PLCL1: variants seen among roughly 807,000 people sequenced by gnomAD.
PLCL1 encodes the protein inactive phospholipase C-like protein 1.
A neutral mutation model predicts 84.4 loss-of-function variants in PLCL1; 41 were observed. That is an observed-to-expected ratio of 0.49 (90% confidence interval 0.38 to 0.63). PLCL1 has a LOEUF of 0.63. Among genes scored for constraint, PLCL1 ranks in the 30% least tolerant of loss-of-function variants. The pLI, the probability that PLCL1 is intolerant of heterozygous loss-of-function variation, is 0.00. For synonymous variants in PLCL1, 490 were observed against 488.3 expected (o/e 1.00, Z -0.05); for missense variants, 1,206 against 1,367.8 (o/e 0.88, Z 1.87).
chr2:198,057,272 C>T (rs530843053), intron 1 of PLCL1, among the ~76,000 whole-genome samples: 3 of 152,140 alleles, frequency 2.0e-5, no homozygotes, highest in South Asian at 4.2e-4. Context: ...GTCTGGGGAA[C>T]GAGGCATCCT....
At chr2:197,915,019 A>T (rs1688564035) in intron 1 of PLCL1, among the ~76,000 whole-genome samples, 1 of 152,158 alleles carries the variant, frequency 6.6e-6, no homozygotes, top group Non-Finnish European at 1.5e-5. Context: ...CATTTATTTA[A>T]AACGTTGTCA....
At chr2:198,124,400 A>G (rs1288788222) in intron 5 of PLCL1, among the ~76,000 whole-genome samples, 1 of 152,142 alleles carries the variant, frequency 6.6e-6, no homozygotes, top group African/African-American at 2.4e-5. Flanking sequence ...TTTTCTCCAG[A>G]AAAGTCTTGT....
intron 1 of PLCL1, among the ~76,000 whole-genome samples, chr2:198,072,995 C>A (rs533015008): frequency 6.6e-6 from 1 of 152,120 alleles, no homozygotes; most frequent in South Asian, 2.1e-4. Context: ...ATGAATCAGG[C>A]TAGGAATTAT....
chr2:198,007,205 G>A (rs1690747482), intron 1 of PLCL1, among the ~76,000 whole-genome samples: 1 of 152,118 alleles, frequency 6.6e-6, no homozygotes. Context: ...ACAATGATCT[G>A]CTTTTCCAGG....
chr2:197,931,118 A>G (rs1176243447), intron 1 of PLCL1, among the ~76,000 whole-genome samples: 6 of 152,164 alleles, frequency 3.9e-5, no homozygotes, highest in Admixed American at 3.9e-4. Context: ...CAGCTGGAAT[A>G]AAAATAAGAG....
chr2:198,127,677 A>T (rs1020207557), intron 5 of PLCL1, among the ~76,000 whole-genome samples: 1 of 152,168 alleles, frequency 6.6e-6, no homozygotes, highest in African/African-American at 2.4e-5. Context: ...TAAGTTTTCA[A>T]AATCTATTTG....
chr2:198,061,375 T>A (rs1692195304), intron 1 of PLCL1, among the ~76,000 whole-genome samples: 1 of 152,164 alleles, frequency 6.6e-6, no homozygotes, highest in Admixed American at 6.5e-5. Context: ...GTGTGATTTG[T>A]ACTACCTACA....
At chr2:198,109,919 G>T (rs915452829) in intron 5 of PLCL1, among the ~76,000 whole-genome samples, 2 of 151,176 alleles carry the variant, frequency 1.3e-5, no homozygotes, top group Admixed American at 6.6e-5. Flanking sequence ...ATCAAGTAGA[G>T]ATATATAAAA....
chr2:197,942,408 C>T (rs926973460), intron 1 of PLCL1, among the ~76,000 whole-genome samples: 13 of 152,186 alleles, frequency 8.5e-5, no homozygotes, highest in African/African-American at 2.9e-4. Context: ...CACCAAACTT[C>T]CAGAAAGAAT....
At chr2:198,014,496 G>GTAAT (rs1283380299) in intron 1 of PLCL1, among the ~76,000 whole-genome samples, 6 of 152,046 alleles carry the variant, frequency 3.9e-5, no homozygotes, top group African/African-American at 1.4e-4. Context: ...GTATAAAGAA[G>GTAAT]TAATTAGTCC....
chr2:197,853,347 T>C (rs375254891), intron 1 of PLCL1, among the ~76,000 whole-genome samples: 2 of 152,232 alleles, frequency 1.3e-5, no homozygotes, highest in East Asian at 3.8e-4. Context: ...AAATATCTGT[T>C]TGAGTTCCTG....
At chr2:197,847,336 C>T (rs544264344) in intron 1 of PLCL1, among the ~76,000 whole-genome samples, 122 of 152,234 alleles carry the variant, frequency 8.0e-4, no homozygotes, top group Non-Finnish European at 1.4e-3. Flanking sequence ...TGGTCAGCCC[C>T]AGATCCTCAG....
At chr2:198,099,499 A>G (rs1427404710) in intron 3 of PLCL1, among the ~76,000 whole-genome samples, 1 of 152,142 alleles carries the variant, frequency 6.6e-6, no homozygotes, top group Non-Finnish European at 1.5e-5. Flanking sequence ...AATACAATAG[A>G]AGCTGTTGAC....
intron 3 of PLCL1, among the ~76,000 whole-genome samples, chr2:198,096,555 G>A (rs1693199181): frequency 6.6e-6 from 1 of 152,164 alleles, no homozygotes; most frequent in Admixed American, 6.5e-5. Flanking sequence ...AATAGCTACA[G>A]GAGGTTGCAA....
chr2:197,877,936 A>G (rs1687767661), intron 1 of PLCL1, among the ~76,000 whole-genome samples: 1 of 152,098 alleles, frequency 6.6e-6, no homozygotes, highest in Non-Finnish European at 1.5e-5. Context: ...CTACACTTTT[A>G]TCAGGTTCTC....
chr2:198,107,655 C>A (rs1693508287), intron 5 of PLCL1, among the ~76,000 whole-genome samples: 1 of 151,904 alleles, frequency 6.6e-6, no homozygotes, highest in Non-Finnish European at 1.5e-5. Flanking sequence ...GACTTAAGCC[C>A]ACTTAGTGTT....
chr2:198,059,583 G>T (rs1162640824), intron 1 of PLCL1, among the ~76,000 whole-genome samples: 2 of 152,140 alleles, frequency 1.3e-5, no homozygotes, highest in Non-Finnish European at 2.9e-5. Context: ...TGGTGTAGTT[G>T]GAAGAAAGTA....
intron 1 of PLCL1, among the ~76,000 whole-genome samples, chr2:198,057,195 G>T (rs986443058): frequency 2.0e-5 from 3 of 152,150 alleles, no homozygotes; most frequent in Non-Finnish European, 4.4e-5. Context: ...AGTCCTCGAT[G>T]TGATTGTATT....
intron 1 of PLCL1, among the ~76,000 whole-genome samples, chr2:198,049,430 G>A (rs989711317): frequency 6.6e-6 from 1 of 152,156 alleles, no homozygotes; most frequent in Non-Finnish European, 1.5e-5. Flanking sequence ...CCTTTTCAGA[G>A]AAGCCACAGA....
Sources: gnomAD v4.1 joint callset for allele counts (sites outside exome capture counted in the v4.1 genomes callset) on GRCh38, gnomAD v4.1.1 for gene constraint, MANE v1.5 for transcripts, NCBI Gene and HGNC (gene_info 2026-07-23, HGNC 2026-07-21) for gene names.